The following DHODH variants were observed in gnomAD, a reference collection of about 807,000 sequenced individuals.
DHODH encodes dihydroorotate dehydrogenase (quinone), mitochondrial.
In DHODH, 30 loss-of-function variants were observed where a neutral mutation model predicts 39.7. The observed-to-expected ratio is 0.76, with a 90% CI of 0.57 to 1.02. DHODH has a LOEUF of 1.02. DHODH is among the 50% of genes least tolerant of loss of function. The probability of loss-of-function intolerance (pLI) is 0.00; values close to 1 mark genes in which losing one functional copy is unlikely to be tolerated. For synonymous variants in DHODH, 222 were observed against 213.8 expected (o/e 1.04, Z -0.34); for missense variants, 531 against 520.8 (o/e 1.02, Z -0.19).
Position 72,012,206 on chromosome 16 carries a change from C to A in DHODH, c.178C>A (p.Arg60Ser), listed in dbSNP as rs931958752. 1 of 1,614,120 alleles carries A rather than the reference C, an allele frequency of 6.2e-7. No homozygotes were observed. The highest frequency in any genetic ancestry group is 1.1e-5 in the South Asian group (1 of 91,082). ...DPESAHRLAV[R>S]FTSLGLLPRA... ...GGAGTCAGCCCACAGACTGGCTGTT[C>A]GCTTCACCTCCCTGGGGCTCCTTCC... Residue 60 changes from arginine to serine, a missense_variant, in exon 2 of 9, where the codon CGC becomes AGC. By Grantham distance (110) the Arg-to-Ser change is moderately radical. Coordinates refer to ENST00000219240, the MANE Select transcript of DHODH (RefSeq NM_001361.5).
intron 4 of DHODH, among the ~76,000 whole-genome samples, chr16:72,019,431 A>C (rs899704050): frequency 1.3e-5 from 2 of 152,174 alleles, no homozygotes; most frequent in Non-Finnish European, 2.9e-5. Flanking sequence ...TTGGTGTTCT[A>C]ATTCTTCCCC....
At chr16:72,010,025 G>A (rs2041066182) in intron 1 of DHODH, among the ~76,000 whole-genome samples, 1 of 152,356 alleles carries the variant, frequency 6.6e-6, no homozygotes, top group South Asian at 2.1e-4. Flanking sequence ...TGGGATTACA[G>A]GCGTGGGCTA....
In DHODH at chr16:72,012,017, T is replaced by A. The variant is rs1165970346; in HGVS notation, c.22-33T>A. On this transcript the variant is annotated intron_variant, in intron 1 of 8. Coordinates refer to ENST00000219240, the MANE Select transcript of DHODH (RefSeq NM_001361.5). The stretch of plus-strand genomic sequence containing the variant: ...TCAGGAAGGGTGCTGCAGCCTGGCC[T>A]GGGGGACCCCCCTAATATGCTCTTT... The A allele has an allele frequency of 1.9e-6, 3 of 1,604,404 alleles. No homozygotes were observed. The South Asian group carries it at 3.3e-5, about 18-fold the overall frequency.
Position 72,023,652 on chromosome 16 carries a change from G to T in DHODH, c.1133+19G>T, listed in dbSNP as rs915373645. 3 of 1,612,794 alleles carry T rather than the reference G, an allele frequency of 1.9e-6. No homozygotes were observed. The African/African-American group carries it at 4.0e-5, about 22-fold the overall frequency. On this transcript the variant is annotated intron_variant, in intron 8 of 8. Coordinates refer to ENST00000219240, the MANE Select transcript of DHODH (RefSeq NM_001361.5). Reference sequence around the variant, plus strand: ...TTCTGAAGTGAGTGAGGTCATGTGTGGCTTGAAACAGAAGTTAGGCAGAGG... The same window carrying T: ...TTCTGAAGTGAGTGAGGTCATGTGTTGCTTGAAACAGAAGTTAGGCAGAGG...
At chr16:72,017,886 C>T (rs1007943945) in intron 4 of DHODH, among the ~76,000 whole-genome samples, 1 of 149,332 alleles carries the variant, frequency 6.7e-6, no homozygotes. Context: ...ATTCTCCTGC[C>T]TCAGCCTCCC....
At chr16:72,011,965 C>A in intron 1 of DHODH, 85 bp from the exon 2 acceptor site, 2 of 1,078,510 alleles carry the variant, frequency 1.9e-6, no homozygotes, top group Non-Finnish European at 2.8e-6. Context: ...TGCCGTTATG[C>A]CCTCTGTGTA....
intron 8 of DHODH, 33 bp from the exon 9 acceptor site, chr16:72,024,112 T>C (rs773745339): frequency 1.2e-6 from 2 of 1,613,618 alleles, no homozygotes; most frequent in Non-Finnish European, 1.7e-6. Context: ...TCTCCACTGT[T>C]TGCTGAAATT....
Position 72,012,110 on chromosome 16 carries a change from C to T in DHODH, c.82C>T (p.Leu28=), listed in dbSNP as rs1015555124. The T allele has an allele frequency of 1.2e-6, 2 of 1,614,038 alleles. No individual in the cohort carries two copies. Among genetic ancestry groups the T allele is most frequent in the Non-Finnish European group, 1.7e-6 (2 of 1,180,024 alleles). Residue 28 remains leucine, a synonymous_variant, in exon 2 of 9, where the codon CTG becomes TTG. Coordinates refer to ENST00000219240, the MANE Select transcript of DHODH (RefSeq NM_001361.5). ...AGGAGGACTTCTCTTCGCCTCCTACCTGATGGCCACGGGAGATGAGCGTTT... is the reference window on the plus strand; with the variant it reads ...AGGAGGACTTCTCTTCGCCTCCTACTTGATGGCCACGGGAGATGAGCGTTT... ...GGGGLLFASY[L]MATGDERFYA...
intron 4 of DHODH, among the ~76,000 whole-genome samples, chr16:72,019,880 G>A (rs1788626225): frequency 6.6e-6 from 1 of 152,220 alleles, no homozygotes; most frequent in Non-Finnish European, 1.5e-5. Context: ...GGTGGCTCAC[G>A]CCTGTAATCC....
In DHODH at chr16:72,022,723, G is replaced by A. The variant is rs1438893657; in HGVS notation, c.819+248G>A. Among the ~76,000 whole-genome samples the A allele has an allele frequency of 3.9e-5, 6 of 152,216 alleles. No individual in the cohort carries two copies. In the East Asian group the frequency reaches 9.6e-4, roughly 24 times the overall value. Reference sequence around the variant, plus strand: ...TGCATCCAGCAAGTTTAAGGCTTGAGCTTGGCTCCTTGGCCAGTCTTGACT... The same window carrying A: ...TGCATCCAGCAAGTTTAAGGCTTGAACTTGGCTCCTTGGCCAGTCTTGACT... On this transcript the variant is annotated intron_variant, in intron 6 of 8. Coordinates refer to ENST00000219240, the MANE Select transcript of DHODH (RefSeq NM_001361.5).
rs2041281420 is a variant in DHODH, at chr16:72,026,976, T to A, written c.*2777T>A. The A allele has an allele frequency of 7.4e-6, 1 of 134,348 alleles. No homozygotes were observed. The highest frequency in any genetic ancestry group is 1.7e-5 in the Non-Finnish European group (1 of 59,470). 8.3% of individuals were successfully genotyped at this position (134,348 alleles called of 1,614,324 possible). ...CAGCTAATTTGTGTGTGTGTGTGTGTGTGTGTGTGTGTGTGTGTGTGTGTG... is the reference window on the plus strand; with the variant it reads ...CAGCTAATTTGTGTGTGTGTGTGTGAGTGTGTGTGTGTGTGTGTGTGTGTG... On this transcript the variant is annotated 3_prime_UTR_variant, in exon 9 of 9. Coordinates refer to ENST00000219240, the MANE Select transcript of DHODH (RefSeq NM_001361.5).
intron 1 of DHODH, among the ~76,000 whole-genome samples, chr16:72,010,184 C>T (rs1227162478): frequency 6.6e-6 from 1 of 152,252 alleles, no homozygotes; most frequent in Non-Finnish European, 1.5e-5. Context: ...TCTCCTGCCT[C>T]GTCTTAAGCC....
Position 72,016,928 on chromosome 16 carries a change from T to G in DHODH, c.435-96T>G. The G allele has an allele frequency of 3.7e-6, 3 of 808,492 alleles. No individual in the cohort carries two copies. In the South Asian group the frequency reaches 4.9e-5, roughly 13 times the overall value. The allele number at this position is 808,492 out of a possible 1,614,324, so 50.1% of individuals were successfully genotyped here. ...CTGGAAGTGTAAGAACTGACTGTGA[T>G]TTTTTTTTTTCTCTTGTTTGAAAAA... is the stretch of plus-strand genomic sequence containing the variant. On this transcript the variant is annotated intron_variant, in intron 3 of 8. Transcript: ENST00000219240.
intron 4 of DHODH, among the ~76,000 whole-genome samples, chr16:72,019,476 G>C (rs2041179513): frequency 6.6e-6 from 1 of 152,158 alleles, no homozygotes; most frequent in Non-Finnish European, 1.5e-5. Flanking sequence ...CTGTACCATT[G>C]ATGTACCACT....
At chr16:72,010,282 G>A (rs1005205461) in intron 1 of DHODH, among the ~76,000 whole-genome samples, 3 of 151,926 alleles carry the variant, frequency 2.0e-5, no homozygotes, top group South Asian at 2.1e-4. Context: ...TTTCCTCTCC[G>A]TACTGCCTTC....
At chr16:72,020,361 A>ATGTG (rs1183115124) in intron 4 of DHODH, 1 of 69,414 alleles carries the variant, frequency 1.4e-5, no homozygotes, top group African/African-American at 6.0e-5. Context: ...ATATGTGTAT[A>ATGTG]TATATATATA....
intron 3 of DHODH, chr16:72,015,889 G>C: frequency 1.0e-6 from 1 of 985,192 alleles, no homozygotes; most frequent in Non-Finnish European, 1.2e-6. Flanking sequence ...TAATGAATGG[G>C]TGAAGTTATG....
rs1303292007 is a variant in DHODH at position 72,008,912 on chromosome 16, G to A, written c.21+127G>A. 2.2e-5 allele frequency: 34 copies of A among 1,538,324 alleles called. No individual in the cohort carries two copies. The East Asian group carries it at 6.6e-4, about 30-fold the overall frequency. ...GAGTGTGGGCCCCCCTGGGACGTGTGCGTGTTTCCGGGGTCTCCTGCAAAT... is the reference window on the plus strand; with the variant it reads ...GAGTGTGGGCCCCCCTGGGACGTGTACGTGTTTCCGGGGTCTCCTGCAAAT... On this transcript the variant is annotated intron_variant, in intron 1 of 8. Coordinates refer to ENST00000219240, the MANE Select transcript of DHODH (RefSeq NM_001361.5).
chr16:72,023,760 A>AG, intron 8 of DHODH, 127 bp downstream of exon 8: 1 of 1,343,964 alleles, frequency 7.4e-7, no homozygotes, highest in African/African-American at 1.4e-5. Context: ...TACACTCTGA[A>AG]GGGGAGAGAA....
Sources: allele counts gnomAD v4.1 joint callset (sites outside exome capture counted in the v4.1 genomes callset), GRCh38; gene constraint gnomAD v4.1.1; transcripts MANE v1.5; gene names NCBI Gene and HGNC (gene_info 2026-07-23, HGNC 2026-07-21).